PRDM2: variants seen among roughly 807,000 people sequenced by gnomAD.
PRDM2 encodes PR domain zinc finger protein 2.
PRDM2 carries 30 observed loss-of-function variants against 130.0 expected under a neutral mutation model. That is an observed-to-expected ratio of 0.23 (90% CI 0.17 to 0.31). PRDM2 has a LOEUF of 0.31. PRDM2 is among the 10% of genes least tolerant of loss of function. The pLI is 1.00. For synonymous variants in PRDM2, 871 were observed against 782.4 expected (o/e 1.11, Z -1.89); for missense variants, 2,011 against 2,108.4 (o/e 0.95, Z 0.90).
chr1:13,820,618 C>T (rs570626469), intron 9 of PRDM2, among the ~76,000 whole-genome samples: 1 of 152,312 alleles, frequency 6.6e-6, no homozygotes, highest in South Asian at 2.1e-4. Context: ...GCCTCAGGGC[C>T]CTCTGTGGGC....
At position 13,730,988 on chromosome 1, in the gene PRDM2, C is replaced by A. The variant is rs1372975406; in HGVS notation, c.10-12C>A. ...TTCTTTTGCTGTGATCCTTCCATTTCTTGACTTGCAGAACACTACTGAGCC... is the reference window on the plus strand; with the variant it reads ...TTCTTTTGCTGTGATCCTTCCATTTATTGACTTGCAGAACACTACTGAGCC... On this transcript the variant is annotated splice_polypyrimidine_tract_variant and intron_variant, in intron 2 of 9. Coordinates refer to ENST00000311066, the MANE Select transcript of PRDM2 (RefSeq NM_001393986.1). 1 of 1,551,106 alleles carries A rather than the reference C, an allele frequency of 6.4e-7. No individual in the cohort carries two copies. Among genetic ancestry groups the A allele is most frequent in the Non-Finnish European group, 8.7e-7 (1 of 1,147,482 alleles).
intron 8 of PRDM2, among the ~76,000 whole-genome samples, chr1:13,792,762 T>C (rs1644861330): frequency 6.6e-6 from 1 of 152,234 alleles, no homozygotes; most frequent in Admixed American, 6.5e-5. Flanking sequence ...GAGTTGAGGA[T>C]GCGCCTGGAG....
intron 6 of PRDM2, 147 bp from the exon 7 acceptor site, chr1:13,772,931 T>A: frequency 5.9e-6 from 3 of 504,378 alleles, no homozygotes; most frequent in Non-Finnish European, 3.5e-6. Context: ...TCTTTAGGAA[T>A]CCAAAGTGGT....
At position 13,771,179 on chromosome 1, in the gene PRDM2, AG is replaced by A. The variant is rs1185559380; in HGVS notation, c.512-1897del. Among the ~76,000 whole-genome samples the A allele has an allele frequency of 6.6e-6, 1 of 152,190 alleles. No homozygotes were observed. Among genetic ancestry groups the A allele is most frequent in the East Asian group, 1.9e-4 (1 of 5,194 alleles). On this transcript the variant is annotated intron_variant, in intron 6 of 9. Coordinates refer to ENST00000311066, the MANE Select transcript of PRDM2 (RefSeq NM_001393986.1). This position sits in a 1 kb window ranked among gnomAD's most constrained non-coding sequence, Gnocchi z 4.1. ...ACAAGAGGACGTTATGCCTGTGGAA[AG>A]GTGCTTAGATGTTTGTGCCCCTTAT... is the stretch of plus-strand genomic sequence containing the variant.
intron 2 of PRDM2, among the ~76,000 whole-genome samples, chr1:13,727,941 T>G (rs1450311685): frequency 2.0e-5 from 3 of 152,098 alleles, no homozygotes; most frequent in Non-Finnish European, 4.4e-5. Context: ...GGGGAGAGAA[T>G]TTTTTGAAAA....
At chr1:13,723,682 T>G (rs889714538) in intron 2 of PRDM2, among the ~76,000 whole-genome samples, 2 of 152,226 alleles carry the variant, frequency 1.3e-5, no homozygotes, top group South Asian at 4.1e-4. Context: ...AAGGGCATTC[T>G]GAGGGCTTTG....
At chr1:13,815,507 AC>A (rs3830763) in intron 8 of PRDM2, among the ~76,000 whole-genome samples, 76,194 of 151,848 alleles carry the variant, frequency 0.5, 20,456 homozygotes, top group Admixed American at 0.61. Flanking sequence ...AAAGGCAGAC[AC>A]CTTATTCTGG....
intron 2 of PRDM2, 38 bp downstream of exon 2, chr1:13,715,652 C>T: frequency 1.9e-6 from 3 of 1,548,682 alleles, no homozygotes; most frequent in Non-Finnish European, 2.6e-6. Flanking sequence ...AATACATGAC[C>T]TAGATGTTAG....
chr1:13,758,750 C>T (rs1644024609), intron 6 of PRDM2, among the ~76,000 whole-genome samples: 1 of 152,090 alleles, frequency 6.6e-6, no homozygotes, highest in African/African-American at 2.4e-5. Context: ...GGCCATGATC[C>T]TGAAATTTAA....
chr1:13,795,352 G>A (rs925713685), intron 8 of PRDM2, among the ~76,000 whole-genome samples: 6 of 152,168 alleles, frequency 3.9e-5, no homozygotes, highest in African/African-American at 7.2e-5. Flanking sequence ...TGGGGAAACC[G>A]AGGCACAGGG....
At chr1:13,700,656 GCCAC>G (rs1186371651) in intron 1 of PRDM2, among the ~76,000 whole-genome samples, 1 of 151,708 alleles carries the variant, frequency 6.6e-6, no homozygotes, top group Non-Finnish European at 1.5e-5. Context: ...CGGCGGTGGG[GCCAC>G]CTGGGGCCCC....
At chr1:13,759,112 G>A (rs1425818439) in intron 6 of PRDM2, among the ~76,000 whole-genome samples, 1 of 151,240 alleles carries the variant, frequency 6.6e-6, no homozygotes, top group Admixed American at 6.6e-5. Context: ...AGGATTGGCC[G>A]GTTAAAAAGA....
At chr1:13,777,481 T>C (rs1644501138) in intron 7 of PRDM2, among the ~76,000 whole-genome samples, 1 of 150,706 alleles carries the variant, frequency 6.6e-6, no homozygotes, top group East Asian at 1.9e-4. Context: ...GGCCCCTGTT[T>C]GCATCTCTAG....
chr1:13,763,020 A>C (rs1328676549), intron 6 of PRDM2, among the ~76,000 whole-genome samples: 2 of 152,232 alleles, frequency 1.3e-5, no homozygotes, highest in Non-Finnish European at 2.9e-5. Context: ...TAGGTAGCTT[A>C]GTATCTCTGT....
Position 13,778,761 on chromosome 1 carries a change from A to G in PRDM2, c.966A>G (p.Glu322=). ...CDEKPEDLLE[E]PKTTSEETLE... ...AGAAGCCAGAAGATTTATTAGAGGA[A>G]CCAAAAACAACTTCAGAAGAAACTC... The change falls in exon 8 of 10, where the codon GAA becomes GAG. Residue 322 remains glutamate (E), a synonymous_variant. Coordinates refer to ENST00000311066, the MANE Select transcript of PRDM2 (RefSeq NM_001393986.1). 6.2e-7 allele frequency: 1 copy of G among 1,614,116 alleles called. No individual in the cohort carries two copies. The highest frequency in any genetic ancestry group is 8.5e-7 in the Non-Finnish European group (1 of 1,180,040).
chr1:13,778,626 T>TGAAGAAGAA lies in PRDM2; in HGVS notation c.840_848dup (p.Glu280_Glu282dup), dbSNP rs753575835. On this transcript the variant is annotated inframe_insertion, in exon 8 of 10. Coordinates refer to ENST00000311066, the MANE Select transcript of PRDM2 (RefSeq NM_001393986.1). ...AGGAGGAGGAGGAAGAGGAGGAGGA[T>TGAAGAAGAA]GAAGAAGAAGAAGAAGATGATGATG... 3.7e-6 allele frequency: 6 copies of TGAAGAAGAA among 1,611,644 alleles called. No individual in the cohort carries two copies. The highest frequency in any genetic ancestry group is 1.7e-4 in the Middle Eastern group (1 of 6,056).
At chr1:13,809,178 T>C (rs982450548) in intron 8 of PRDM2, among the ~76,000 whole-genome samples, 1 of 152,178 alleles carries the variant, frequency 6.6e-6, no homozygotes, top group African/African-American at 2.4e-5. Context: ...TCAAGGAACT[T>C]GGACTGCGTC....
chr1:13,816,298 G>C, intron 8 of PRDM2, 129 bp from the exon 9 acceptor site: 1 of 1,179,186 alleles, frequency 8.5e-7, no homozygotes, highest in Non-Finnish European at 1.2e-6. Context: ...TGGCCTCAAG[G>C]TGTCCAGGAA....
chr1:13,778,795 T>C lies in PRDM2; in HGVS notation c.1000T>C (p.Cys334Arg), dbSNP rs1419413299. The change falls in exon 8 of 10, where the codon TGC becomes CGC. Residue 334 changes from cysteine to arginine, a missense_variant. This residue lies in a region of PRDM2 where 1,288 missense variants were observed against 1,237.7 expected (regional missense o/e 1.04). Transcript: ENST00000311066. ...AACTTCAGAAGAAACTCTTGAAGAC[T>C]GCTCAGAGGTAACACCTGCCATGCA... Reference protein sequence around the residue: ...KTTSEETLEDCSEVTPAMQIP... With the variant: ...KTTSEETLEDRSEVTPAMQIP... The C allele has an allele frequency of 6.2e-7, 1 of 1,614,016 alleles. No homozygotes were observed. The highest frequency in any genetic ancestry group is 1.1e-5 in the South Asian group (1 of 91,034).
Sources: gnomAD v4.1 joint callset for allele counts (sites outside exome capture counted in the v4.1 genomes callset) on GRCh38, gnomAD v4.1.1 for gene constraint, gnomAD v4.1.1 regional missense constraint, Gnocchi (gnomAD v3.1) non-coding constraint, MANE v1.5 for transcripts, NCBI Gene and HGNC (gene_info 2026-07-23, HGNC 2026-07-21) for gene names.